Variants in TENM1 observed in about 807,000 individuals in gnomAD.
TENM1 encodes the protein teneurin transmembrane protein 1, also known as teneurin-1.
In TENM1, 35 loss-of-function variants were observed where a neutral mutation model predicts 174.8. The observed-to-expected ratio is 0.20, with a 90% CI of 0.15 to 0.27. The LOEUF is 0.27. Ranked by LOEUF, TENM1 falls within the 10% of genes least tolerant of loss-of-function variation. TENM1 has a pLI of 1.00. For synonymous variants in TENM1, 781 were observed against 798.7 expected, an observed-to-expected ratio of 0.98 and a Z score of 0.37; for missense variants, 1,633 against 2,130.1, an observed-to-expected ratio of 0.77 and a Z score of 4.59.
chrX:124,947,029 T>C (rs954956448), intron 1 of TENM1, among the ~76,000 whole-genome samples: 13 of 111,252 alleles, frequency 1.2e-4, no homozygotes, highest in Non-Finnish European at 2.5e-4. Flanking sequence ...GAGTAAATTA[T>C]TTTTGGCTCA....
intron 3 of TENM1, among the ~76,000 whole-genome samples, chrX:124,853,831 T>A (rs1034542206): frequency 1.8e-5 from 2 of 110,384 alleles, no homozygotes; most frequent in Non-Finnish European, 3.8e-5. Context: ...GCAGAAGCAG[T>A]ATAATGAAAG....
the TENM1 span, among the ~76,000 whole-genome samples, chrX:125,201,830 T>G: frequency 1.8e-5 from 2 of 112,064 alleles, no homozygotes; most frequent in South Asian, 7.4e-4. Flanking sequence ...AGTAAATTAT[T>G]TAATGCATCA....
chrX:124,665,360 A>G (rs959401631), intron 6 of TENM1, among the ~76,000 whole-genome samples: 1 of 112,067 alleles, frequency 8.9e-6, no homozygotes, highest in Non-Finnish European at 1.9e-5. Context: ...AGAAAAGGTA[A>G]CGATAGCTGC....
chrX:124,939,419 G>A (rs7055104), intron 1 of TENM1, among the ~76,000 whole-genome samples: 5,415 of 110,986 alleles, frequency 0.049, 297 homozygotes, highest in African/African-American at 0.16. Context: ...TATCTTATCA[G>A]TCGAACCTCC....
chrX:125,090,715 G>A, the TENM1 span, among the ~76,000 whole-genome samples: 1 of 111,019 alleles, frequency 9.0e-6, no homozygotes, highest in African/African-American at 3.3e-5. Flanking sequence ...GCCTAGGGGT[G>A]GACTGGAAAA....
chrX:124,755,994 T>C (rs1318259408), intron 3 of TENM1, among the ~76,000 whole-genome samples: 1 of 100,760 alleles, frequency 9.9e-6, no homozygotes, highest in Non-Finnish European at 1.9e-5. Flanking sequence ...GAGGAGTATC[T>C]TTGTGCCATT....
chrX:125,200,314 T>C, the TENM1 span, among the ~76,000 whole-genome samples: 31 of 111,629 alleles, frequency 2.8e-4, no homozygotes, highest in Non-Finnish European at 1.9e-5. Flanking sequence ...GAAATTGTGG[T>C]ATATGTGAGC....
intron 29 of TENM1, among the ~76,000 whole-genome samples, chrX:124,385,185 A>C (rs1426002045): frequency 8.9e-6 from 1 of 112,623 alleles, no homozygotes. Context: ...CATTTCATTT[A>C]ACCTTTGCTA....
intron 4 of TENM1, among the ~76,000 whole-genome samples, chrX:124,734,472 A>AAATC (rs1243474081): frequency 9.1e-6 from 1 of 110,475 alleles, no homozygotes; most frequent in African/African-American, 3.3e-5. Context: ...ATAAATAAAT[A>AAATC]AATAAATAAA....
intron 23 of TENM1, among the ~76,000 whole-genome samples, chrX:124,425,995 GGTGTGTGTGT>G (rs200141105): frequency 0.074 from 6,460 of 87,747 alleles, 252 homozygotes; most frequent in East Asian, 0.27. Context: ...CAAAAGGACT[GGTGTGTGTGT>G]GTGTGTGTGT....
chrX:125,064,191 G>A, the TENM1 span, among the ~76,000 whole-genome samples: 3 of 110,279 alleles, frequency 2.7e-5, no homozygotes, highest in Non-Finnish European at 5.7e-5. Context: ...GATAGCATTA[G>A]GAGATACACC....
chrX:124,496,956 T>C (rs1490336084), intron 20 of TENM1, 60 bp downstream of exon 23: 3 of 1,144,393 alleles, frequency 2.6e-6, no homozygotes, highest in Admixed American at 4.6e-5. Flanking sequence ...TGTCTTTTCA[T>C]ATTATCTTGC....
intron 5 of TENM1, among the ~76,000 whole-genome samples, chrX:124,677,974 A>C (rs1230666858): frequency 1.8e-5 from 2 of 111,948 alleles, no homozygotes; most frequent in Non-Finnish European, 3.8e-5. Context: ...ACTTTTCTGT[A>C]AGTCTAAAAT....
the TENM1 span, among the ~76,000 whole-genome samples, chrX:125,183,162 T>G: frequency 8.9e-6 from 1 of 112,291 alleles, no homozygotes; most frequent in African/African-American, 3.2e-5. Context: ...GTACTAGAAT[T>G]GTTGATATTT....
chrX:125,018,335 T>C, the TENM1 span, among the ~76,000 whole-genome samples: 5 of 111,452 alleles, frequency 4.5e-5, no homozygotes, highest in Admixed American at 4.8e-4. Flanking sequence ...ATTTGTTTAG[T>C]TTTTGGTTAC....
At chrX:124,458,560 T>C (rs1475385233) in intron 22 of TENM1, among the ~76,000 whole-genome samples, 1 of 112,662 alleles carries the variant, frequency 8.9e-6, no homozygotes, top group Non-Finnish European at 1.9e-5. Context: ...ATATTCTACA[T>C]AGTAAAGGTC....
chrX:125,009,365 T>C, the TENM1 span, among the ~76,000 whole-genome samples: 1 of 111,405 alleles, frequency 9.0e-6, no homozygotes, highest in East Asian at 2.8e-4. Context: ...TAGACCAATA[T>C]CAAGTTCTGA....
At chrX:124,396,122 T>G (rs1236816923) in intron 27 of TENM1, among the ~76,000 whole-genome samples, 2 of 111,090 alleles carry the variant, frequency 1.8e-5, no homozygotes, top group Non-Finnish European at 3.8e-5. Flanking sequence ...CACTCTGATA[T>G]TCCAGTGCTG....
intron 11 of TENM1, among the ~76,000 whole-genome samples, chrX:124,595,465 T>A (rs2049868307): frequency 8.9e-6 from 1 of 112,061 alleles, no homozygotes; most frequent in Non-Finnish European, 1.9e-5. Context: ...TAATTTCCAA[T>A]TATGTAAAAT....
Sources: gnomAD v4.1 joint callset for allele counts (sites outside exome capture counted in the v4.1 genomes callset) on GRCh38, gnomAD v4.1.1 for gene constraint, MANE v1.5 for transcripts, NCBI Gene and HGNC (gene_info 2026-07-23, HGNC 2026-07-21) for gene names.